The following LGR6 variants were observed in gnomAD, a reference collection of about 807,000 sequenced individuals.
LGR6 encodes leucine rich repeat containing G protein-coupled receptor 6, also known as leucine-rich repeat-containing G protein-coupled receptor 6.
Under a neutral mutation model 69.4 loss-of-function variants are expected in LGR6, and 45 were observed. That is an observed-to-expected ratio of 0.65 (90% CI 0.51 to 0.83). The LOEUF is 0.83. Ranked by LOEUF, LGR6 falls within the 40% of genes least tolerant of loss-of-function variation. LGR6 has a pLI of 0.00. For synonymous variants in LGR6, 538 were observed against 555.0 expected (o/e 0.97, Z 0.43); for missense variants, 1,108 against 1,246.7 (o/e 0.89, Z 1.68).
intron 5 of LGR6, among the ~76,000 whole-genome samples, chr1:202,280,139 A>G (rs1665892667): frequency 6.6e-6 from 1 of 151,920 alleles, no homozygotes; most frequent in Non-Finnish European, 1.5e-5. Flanking sequence ...TTATGCTTGG[A>G]TAGCTCTGTC....
At chr1:202,305,258 A>G (rs1653044801) in intron 11 of LGR6, among the ~76,000 whole-genome samples, 1 of 152,132 alleles carries the variant, frequency 6.6e-6, no homozygotes, top group Admixed American at 6.5e-5. Flanking sequence ...GCTGAGTGAA[A>G]GAGTTGGGCC....
chr1:202,302,954 C>G (rs1272301654), intron 9 of LGR6, among the ~76,000 whole-genome samples: 1 of 152,112 alleles, frequency 6.6e-6, no homozygotes, highest in African/African-American at 2.4e-5. Context: ...CCAGAAGCAC[C>G]CAAGCTGTTG....
intron 1 of LGR6, chr1:202,210,725 A>AT (rs554073432): frequency 5.3e-5 from 8 of 152,132 alleles, no homozygotes; most frequent in East Asian, 1.9e-4. Context: ...CATTCTCTTG[A>AT]TTTTTTTTAA....
In LGR6 at chr1:202,194,037, G is replaced by T; in HGVS notation, c.48G>T (p.Leu16=). 7.2e-7 allele frequency: 1 copy of T among 1,385,616 alleles called. No individual in the cohort carries two copies. The highest frequency in any genetic ancestry group is 9.3e-7 in the Non-Finnish European group (1 of 1,076,862). 85.8% of individuals were successfully genotyped at this position (1,385,616 alleles called of 1,614,324 possible). Residue 16 remains leucine (L), a synonymous_variant, in exon 1 of 18, where the codon CTG becomes CTT. Coordinates refer to ENST00000367278, the MANE Select transcript of LGR6 (RefSeq NM_001017403.2). ...GGGCGCTATGGCTTTGCGCCGCGCT[G>T]TGCGCTTCCCGGAGGGCCGGCGGCG... ...GLRALWLCAA[L]CASRRAGGAP...
At chr1:202,311,153 G>C (rs564063158) in intron 16 of LGR6, among the ~76,000 whole-genome samples, 1 of 152,080 alleles carries the variant, frequency 6.6e-6, no homozygotes, top group African/African-American at 2.4e-5. Context: ...GGGGTCCTCT[G>C]CTTTGGGGTA....
At chr1:202,281,080 A>C in intron 6 of LGR6, 1 of 524,066 alleles carries the variant, frequency 1.9e-6, no homozygotes, top group Non-Finnish European at 3.4e-6. Context: ...GGAGTTCAGA[A>C]TGGCCCAGGG....
intron 4 of LGR6, among the ~76,000 whole-genome samples, chr1:202,263,354 C>G (rs1280137860): frequency 6.6e-6 from 1 of 152,108 alleles, no homozygotes; most frequent in Non-Finnish European, 1.5e-5. Flanking sequence ...GAACTCCTGA[C>G]CTCAGGTGAT....
intron 6 of LGR6, 51 bp from the exon 7 acceptor site, chr1:202,297,457 A>G (rs1216958326): frequency 1.4e-6 from 2 of 1,469,706 alleles, no homozygotes; most frequent in Admixed American, 1.9e-5. Context: ...AGGGACCCTG[A>G]CATGCCCCAT....
At position 202,236,399 on chromosome 1, in the gene LGR6, G is replaced by C. The variant is rs112933144; in HGVS notation, c.428+406G>C. The C allele has an allele frequency of 1.3e-4, 26 of 206,896 alleles. 3 individuals carry two copies. The highest frequency in any genetic ancestry group is 5.8e-4 in the African/African-American group (25 of 43,044). 12.8% of individuals were successfully genotyped at this position (206,896 alleles called of 1,614,324 possible). ...TAGCCTGCTCTTGCCCCTGGGCTCT[G>C]CTGTGGGTGGGAAGGAGGCTAGGCT... On this transcript the variant is annotated intron_variant, in intron 4 of 17. Transcript: ENST00000367278.
At chr1:202,256,914 G>A (rs924482700) in intron 4 of LGR6, among the ~76,000 whole-genome samples, 1 of 152,192 alleles carries the variant, frequency 6.6e-6, no homozygotes, top group Non-Finnish European at 1.5e-5. Context: ...CCTAGTGGGT[G>A]TGAAGTGGTA....
chr1:202,318,699 G>A lies in LGR6; in HGVS notation c.2396G>A (p.Gly799Asp). Residue 799 changes from glycine (G) to aspartate (D), a missense_variant, in exon 18 of 18, where the codon GGC (glycine) becomes GAC (aspartate). Gly to Asp is a moderately conservative substitution (Grantham distance 94). Coordinates refer to ENST00000367278, the MANE Select transcript of LGR6 (RefSeq NM_001017403.2). ...TTCCTCAGCTTTGCCTCCATGCTGG[G>A]CCTCTTCCCTGTCACGCCCGAGGCC... is the stretch of plus-strand genomic sequence containing the variant. ...VAFLSFASML[G>D]LFPVTPEAVK... The A allele has an allele frequency of 1.9e-6, 3 of 1,613,564 alleles. No homozygotes were observed. The highest frequency in any genetic ancestry group is 2.5e-6 in the Non-Finnish European group (3 of 1,180,022).
chr1:202,319,091 C>T lies in LGR6; in HGVS notation c.2788C>T (p.Pro930Ser). The stretch of plus-strand genomic sequence containing the variant: ...GGGGAACCACTTTGGGAACCCCCAA[C>T]CCTCCATGGATGGAGAACTGCTGCT... Reference protein sequence around the residue: ...PEGNHFGNPQPSMDGELLLRA... With the variant: ...PEGNHFGNPQSSMDGELLLRA... Residue 930 changes from proline (P) to serine (S), a missense_variant, in exon 18 of 18, where the codon CCC becomes TCC. Transcript: ENST00000367278. 3 of 1,614,224 alleles carry T rather than the reference C, an allele frequency of 1.9e-6. No homozygotes were observed. The highest frequency in any genetic ancestry group is 1.7e-5 in the Admixed American group (1 of 60,024).
chr1:202,236,876 T>C (rs997556946), intron 4 of LGR6, among the ~76,000 whole-genome samples: 3 of 152,134 alleles, frequency 2.0e-5, no homozygotes, highest in African/African-American at 7.2e-5. Context: ...CGCTGTTCAG[T>C]CTGTGGATGT....
Position 202,235,914 on chromosome 1 carries a change from T to TC in LGR6, c.357-5dup. The TC allele has an allele frequency of 6.2e-7, 1 of 1,613,792 alleles. No homozygotes were observed. The highest frequency in any genetic ancestry group is 8.5e-7 in the Non-Finnish European group (1 of 1,179,848). On this transcript the variant is annotated splice_polypyrimidine_tract_variant and splice_region_variant and intron_variant, in intron 3 of 17. Transcript: ENST00000367278. ...TGCGTCCTTAAAGCCCTTTCTCTTC[T>TC]CCCGTAGGATGCTGCAGAACAATCA...
At chr1:202,300,091 T>G (rs1397551707) in intron 7 of LGR6, among the ~76,000 whole-genome samples, 2 of 152,226 alleles carry the variant, frequency 1.3e-5, no homozygotes, top group African/African-American at 4.8e-5. Context: ...CAAGCCAGCC[T>G]CCATTTGAGG....
chr1:202,201,605 G>T (rs893745511), intron 1 of LGR6, among the ~76,000 whole-genome samples: 13 of 152,186 alleles, frequency 8.5e-5, no homozygotes, highest in Non-Finnish European at 1.9e-4. Flanking sequence ...CTGCCTCTCA[G>T]AGGCCCACAG....
At chr1:202,204,358 CCA>C (rs760626582) in intron 1 of LGR6, among the ~76,000 whole-genome samples, 24 of 110,816 alleles carry the variant, frequency 2.2e-4, no homozygotes, top group African/African-American at 3.4e-4. Flanking sequence ...ACACACACCT[CCA>C]CACACACACA....
In LGR6 at chr1:202,194,879, G is replaced by T. The variant is rs562557588; in HGVS notation, c.212+678G>T. On this transcript the variant is annotated intron_variant, in intron 1 of 17. Coordinates refer to ENST00000367278, the MANE Select transcript of LGR6 (RefSeq NM_001017403.2). ...TGGAGACACTAATTTGTGGGCAGGC[G>T]CCGAGGCTGAAAACCAGAGAACCAT... 3.9e-5 allele frequency among the ~76,000 whole-genome samples: 6 copies of T among 152,286 alleles called. No individual in the cohort carries two copies. The South Asian group carries it at 1.2e-3, about 32-fold the overall frequency.
chr1:202,241,546 C>T (rs939823456), intron 4 of LGR6, among the ~76,000 whole-genome samples: 26 of 152,304 alleles, frequency 1.7e-4, no homozygotes, highest in African/African-American at 5.8e-4. Flanking sequence ...TGCTTCCTCC[C>T]TGACCAGTTT....
Sources: gnomAD v4.1 joint callset for allele counts (sites outside exome capture counted in the v4.1 genomes callset) on GRCh38, gnomAD v4.1.1 for gene constraint, MANE v1.5 for transcripts, NCBI Gene and HGNC (gene_info 2026-07-23, HGNC 2026-07-21) for gene names.